MYO19: variants seen among roughly 807,000 people sequenced by gnomAD.
The protein encoded by MYO19 is myosin XIX, also known as unconventional myosin-XIX.
MYO19 carries 132 observed loss-of-function variants against 129.2 expected under a neutral mutation model. The ratio of observed to expected loss-of-function variants is 1.02; its 90% confidence interval spans 0.89 to 1.18. MYO19 has a LOEUF of 1.18. Among genes scored for constraint, MYO19 ranks in the 50% most tolerant of loss-of-function variants. The pLI is 0.00. For synonymous variants in MYO19, 531 were observed against 477.2 expected, an observed-to-expected ratio of 1.11 and a Z score of -1.47; for missense variants, 1,210 against 1,216.7, an observed-to-expected ratio of 0.99 and a Z score of 0.08.
chr17:36,498,891 A>G (rs2071245687), intron 24 of MYO19, 184 bp downstream of exon 24: 3 of 599,016 alleles, frequency 5.0e-6, no homozygotes, highest in Non-Finnish European at 8.9e-6. Context: ...TCACCTACAT[A>G]ACCACCCTGC....
chr17:36,538,148 C>T, upstream of MYO19: 1 of 1,614,052 alleles, frequency 6.2e-7, no homozygotes, highest in South Asian at 1.1e-5. Context: ...CAGCTATTAG[C>T]CTCTTCATAT....
At position 36,532,689 on chromosome 17, in the gene MYO19, A is replaced by G. The variant is rs2073897794; in HGVS notation, c.-143-8T>C. 1.1e-6 allele frequency: 1 copy of G among 905,796 alleles called. No individual in the cohort carries two copies. The highest frequency in any genetic ancestry group is 1.7e-6 in the Non-Finnish European group (1 of 574,336). The allele number at this position is 905,796 out of a possible 1,614,324, so 56.1% of individuals were successfully genotyped here. On this transcript the variant is annotated splice_polypyrimidine_tract_variant and splice_region_variant and intron_variant, in intron 2 of 25. Coordinates refer to ENST00000614623, the MANE Select transcript of MYO19 (RefSeq NM_001163735.2). ...GACAAGTCACTCCAGCGCCTGTGGC[A>G]TGAGAGAGAAGACAAGGACCACACA...
At chr17:36,500,763 T>C in intron 23 of MYO19, 67 bp downstream of exon 23, 2 of 1,549,266 alleles carry the variant, frequency 1.3e-6, no homozygotes, top group Admixed American at 1.8e-5. Flanking sequence ...CGACGAGCTA[T>C]GTTTCAAAGG....
At chr17:36,538,811 T>A, upstream of MYO19, 1 of 535,772 alleles carries the variant, frequency 1.9e-6, no homozygotes. Context: ...TGGAGTGTAG[T>A]GGTGCCATCT....
chr17:36,526,491 T>A (rs2142350426), intron 5 of MYO19, among the ~76,000 whole-genome samples: 4 of 152,288 alleles, frequency 2.6e-5, no homozygotes, highest in Admixed American at 2.6e-4. Flanking sequence ...AAATAACTTA[T>A]CCTTTTCTCA....
chr17:36,505,257 G>T (rs937008475), intron 19 of MYO19, 40 bp downstream of exon 19: 1 of 1,555,134 alleles, frequency 6.4e-7, no homozygotes, highest in Admixed American at 1.7e-5. Context: ...TTGGCCAGAT[G>T]GGGTTTGGTG....
rs147918081 is a variant in MYO19, at chr17:36,505,269, G to A, written c.1905+28C>T. 8.8e-4 allele frequency: 1,406 copies of A among 1,595,652 alleles called. 9 individuals are homozygous for A. The African/African-American group carries it at 0.016, about 18-fold the overall frequency. Reference sequence around the variant, plus strand: ...GCCTTGGCCAGATGGGGTTTGGTGCGAAGCAGCTTTGGCCCGGTGTTAATT... The same window carrying A: ...GCCTTGGCCAGATGGGGTTTGGTGCAAAGCAGCTTTGGCCCGGTGTTAATT... On this transcript the variant is annotated intron_variant, in intron 19 of 25. Coordinates refer to ENST00000614623, the MANE Select transcript of MYO19 (RefSeq NM_001163735.2).
intron 21 of MYO19, 57 bp downstream of exon 21, chr17:36,503,040 G>T: frequency 7.0e-7 from 1 of 1,426,514 alleles, no homozygotes; most frequent in South Asian, 1.1e-5. Flanking sequence ...CAGGGCACAG[G>T]GTAGATGCTC....
At chr17:36,501,359 C>T (rs1274918326) in intron 21 of MYO19, 124 bp from the exon 22 acceptor site, 1 of 1,011,366 alleles carries the variant, frequency 9.9e-7, no homozygotes, top group South Asian at 1.9e-5. Context: ...TGGCTCTAGC[C>T]ATTTTCTCCT....
rs745633984 is a variant in MYO19 at position 36,505,142 on chromosome 17, C to A, written c.1905+155G>T. 24 of 795,080 alleles carry A rather than the reference C, an allele frequency of 3.0e-5. No homozygotes were observed. In the Middle Eastern group the frequency reaches 1.8e-3, roughly 59 times the overall value. 49.3% of individuals were successfully genotyped at this position (795,080 alleles called of 1,614,324 possible). ...ACACAACCATACATGCCTGCCCTGCCACAGCAAGGGAGATGGGTCCTCTCT... is the reference window on the plus strand; with the variant it reads ...ACACAACCATACATGCCTGCCCTGCAACAGCAAGGGAGATGGGTCCTCTCT... On this transcript the variant is annotated intron_variant, in intron 19 of 25. Transcript: ENST00000614623.
chr17:36,513,366 G>C (rs1372527993), intron 11 of MYO19, 63 bp downstream of exon 11: 1 of 1,613,432 alleles, frequency 6.2e-7, no homozygotes, highest in Admixed American at 1.7e-5. Context: ...CCAGGGAAAA[G>C]CTCTATGCAA....
chr17:36,504,584 C>T (rs1458217353), intron 19 of MYO19: 1 of 156,518 alleles, frequency 6.4e-6, no homozygotes, highest in East Asian at 1.9e-4. Flanking sequence ...AAAAGGGCAG[C>T]TGCTGGCTAG....
Position 36,509,089 on chromosome 17 carries a change from C to A in MYO19, c.1204G>T (p.Asp402Tyr). 6.2e-7 allele frequency: 1 copy of A among 1,613,872 alleles called. No homozygotes were observed. The highest frequency in any genetic ancestry group is 8.5e-7 in the Non-Finnish European group (1 of 1,179,848). The change falls in exon 14 of 26, where the codon GAC (aspartate) becomes TAC (tyrosine). Residue 402 changes from aspartate to tyrosine, a missense_variant. Physicochemically the swap from Asp to Tyr is radical, Grantham distance 160 (BLOSUM62 -3). Transcript: ENST00000614623. ...ATGAAAGTGGTCCACGAGTCGGTGT[C>A]TGCACAGATGCTGCTGTTGATCACT... ...VSVINSSICA[D>Y]TDSWTTFIGL...
chr17:36,538,011 G>A (rs763678894), upstream of MYO19: 13 of 1,613,918 alleles, frequency 8.1e-6, no homozygotes, highest in Admixed American at 3.3e-5. Flanking sequence ...TGCCAACCGC[G>A]AAGGAATAAT....
At chr17:36,524,022 C>T (rs1260297547) in intron 6 of MYO19, among the ~76,000 whole-genome samples, 1 of 152,172 alleles carries the variant, frequency 6.6e-6, no homozygotes, top group Non-Finnish European at 1.5e-5. Flanking sequence ...ATACCAGGCC[C>T]AGCCCAGGGC....
intron 6 of MYO19, among the ~76,000 whole-genome samples, chr17:36,523,013 A>C (rs2073238612): frequency 1.4e-5 from 2 of 147,170 alleles, no homozygotes; most frequent in South Asian, 2.1e-4. Context: ...CTCAAAAAAA[A>C]AAACAAAAAA....
intron 14 of MYO19, chr17:36,508,788 G>A (rs77980937): frequency 1.9e-5 from 9 of 477,422 alleles, no homozygotes; most frequent in African/African-American, 1.7e-4. Context: ...CCCACAATTA[G>A]AGCTGGGTCT....
Position 36,532,691 on chromosome 17 carries a change from G to T in MYO19, c.-143-10C>A. ...CAAGTCACTCCAGCGCCTGTGGCAT[G>T]AGAGAGAAGACAAGGACCACACACA... On this transcript the variant is annotated splice_polypyrimidine_tract_variant and intron_variant, in intron 2 of 25. Transcript: ENST00000614623. The T allele has an allele frequency of 2.3e-6, 2 of 883,750 alleles. No individual in the cohort carries two copies. The highest frequency in any genetic ancestry group is 3.6e-6 in the Non-Finnish European group (2 of 555,780). The allele number at this position is 883,750 out of a possible 1,614,324, so 54.7% of individuals were successfully genotyped here.
chr17:36,522,380 C>T (rs1041377879), intron 6 of MYO19, among the ~76,000 whole-genome samples: 5 of 151,582 alleles, frequency 3.3e-5, no homozygotes, highest in Admixed American at 1.3e-4. Context: ...TGGTGGCAGG[C>T]GCCTGTAATC....
Sources: allele counts gnomAD v4.1 joint callset (sites outside exome capture counted in the v4.1 genomes callset), GRCh38; gene constraint gnomAD v4.1.1; transcripts MANE v1.5; gene names NCBI Gene and HGNC (gene_info 2026-07-23, HGNC 2026-07-21).